PLEKHG1: variants seen among roughly 807,000 people sequenced by gnomAD.
PLEKHG1 encodes pleckstrin homology domain-containing family G member 1.
PLEKHG1 carries 44 observed loss-of-function variants against 100.8 expected under a neutral mutation model. The observed-to-expected ratio is 0.44, with a 90% CI of 0.34 to 0.56. PLEKHG1 has a LOEUF of 0.56. PLEKHG1 is among the 20% of genes least tolerant of loss of function. The pLI is 0.01. For synonymous variants in PLEKHG1, 640 were observed against 662.5 expected (o/e 0.97, Z 0.52); for missense variants, 1,545 against 1,720.9 (o/e 0.90, Z 1.81).
intron 1 of PLEKHG1, among the ~76,000 whole-genome samples, chr6:150,613,403 A>G (rs977453125): frequency 5.4e-5 from 6 of 111,166 alleles, no homozygotes; most frequent in African/African-American, 1.7e-4. Context: ...TTGTGTGGCT[A>G]TGATATTTCC....
At chr6:150,815,299 A>C (rs1053398980) in intron 10 of PLEKHG1, among the ~76,000 whole-genome samples, 3 of 152,186 alleles carry the variant, frequency 2.0e-5, no homozygotes, top group Non-Finnish European at 4.4e-5. Context: ...CTTTTAATTC[A>C]ATGATGGTCC....
intron 3 of PLEKHG1, among the ~76,000 whole-genome samples, chr6:150,697,940 T>C (rs1780612890): frequency 3.5e-5 from 1 of 28,690 alleles, no homozygotes; most frequent in Non-Finnish European, 1.1e-4. Context: ...TTTTTTTTTG[T>C]TGTTGGGTTT....
intron 2 of PLEKHG1, among the ~76,000 whole-genome samples, chr6:150,736,954 A>G (rs555862922): frequency 1.3e-5 from 2 of 152,304 alleles, no homozygotes; most frequent in Admixed American, 1.3e-4. Context: ...AGTATTGGAA[A>G]GAAGCGTGCC....
At chr6:150,793,356 C>T (rs945486551) in intron 4 of PLEKHG1, among the ~76,000 whole-genome samples, 1 of 152,066 alleles carries the variant, frequency 6.6e-6, no homozygotes, top group African/African-American at 2.4e-5. Flanking sequence ...GAACTGTGAC[C>T]ACCACTGTAC....
rs75576324 is a variant in PLEKHG1, at chr6:150,740,580, G to A, written c.411+6488G>A. ...CTTAGACTAACGTTTTTTAAATACCGAGGGAGAAAAATGTGTTCCATGCTC... is the reference window on the plus strand; with the variant it reads ...CTTAGACTAACGTTTTTTAAATACCAAGGGAGAAAAATGTGTTCCATGCTC... On this transcript the variant is annotated intron_variant, in intron 2 of 15. Coordinates refer to ENST00000358517, the Ensembl canonical transcript of PLEKHG1. 7.1e-3 allele frequency among the ~76,000 whole-genome samples: 1,085 copies of A among 152,218 alleles called. 13 individuals carry two copies. The highest frequency in any genetic ancestry group is 0.025 in the African/African-American group (1,033 of 41,528).
At chr6:150,691,852 C>A (rs769486769) in intron 3 of PLEKHG1, among the ~76,000 whole-genome samples, 1 of 152,232 alleles carries the variant, frequency 6.6e-6, no homozygotes, top group Non-Finnish European at 1.5e-5. Flanking sequence ...TTACTGAGGA[C>A]TTGGGAAAAG....
At chr6:150,690,943 G>T (rs992405581) in intron 3 of PLEKHG1, among the ~76,000 whole-genome samples, 4 of 152,106 alleles carry the variant, frequency 2.6e-5, no homozygotes, top group Admixed American at 2.0e-4. Context: ...GCAACCCAGC[G>T]CATGCATTGT....
At chr6:150,688,777 G>A (rs953816407) in intron 3 of PLEKHG1, among the ~76,000 whole-genome samples, 1 of 152,176 alleles carries the variant, frequency 6.6e-6, no homozygotes, top group Non-Finnish European at 1.5e-5. Flanking sequence ...TTAAAAAACA[G>A]TGTCTTGAGA....
intron 2 of PLEKHG1, among the ~76,000 whole-genome samples, chr6:150,765,767 A>G (rs1229025104): frequency 6.6e-6 from 1 of 152,238 alleles, no homozygotes; most frequent in Non-Finnish European, 1.5e-5. Flanking sequence ...TTAAAAAAGA[A>G]TACTAGAAAA....
At chr6:150,697,199 A>G (rs1195873541) in intron 3 of PLEKHG1, among the ~76,000 whole-genome samples, 1 of 152,212 alleles carries the variant, frequency 6.6e-6, no homozygotes, top group Admixed American at 6.5e-5. Flanking sequence ...ATATGTGATG[A>G]TTTGATTCTG....
At position 150,759,586 on chromosome 6, in the gene PLEKHG1, G is replaced by A. The variant is rs113272053; in HGVS notation, c.412-9052G>A. On this transcript the variant is annotated intron_variant, in intron 2 of 15. Coordinates refer to ENST00000358517, the Ensembl canonical transcript of PLEKHG1. ...TGTGTGACCTCAGGGGAGTGATGGA[G>A]CCTTTCTCAGCTTCCGGGAAAATGG... 4.4e-4 allele frequency among the ~76,000 whole-genome samples: 67 copies of A among 152,278 alleles called. 1 individual carries two copies. Among genetic ancestry groups the A allele is most frequent in the African/African-American group, 1.3e-3 (55 of 41,556 alleles).
At chr6:150,784,307 A>G (rs886475242) in intron 3 of PLEKHG1, among the ~76,000 whole-genome samples, 1 of 152,252 alleles carries the variant, frequency 6.6e-6, no homozygotes, top group Non-Finnish European at 1.5e-5. Flanking sequence ...GGGGGTCATC[A>G]GAATGATACT....
intron 1 of PLEKHG1, among the ~76,000 whole-genome samples, chr6:150,725,989 T>C (rs551106888): frequency 6.6e-6 from 1 of 152,204 alleles, no homozygotes; most frequent in African/African-American, 2.4e-5. Context: ...CTGGAGCCTA[T>C]TGTGCTAAGT....
At chr6:150,651,352 G>A (rs1247513866) in intron 3 of PLEKHG1, among the ~76,000 whole-genome samples, 1 of 152,040 alleles carries the variant, frequency 6.6e-6, no homozygotes, top group Non-Finnish European at 1.5e-5. Context: ...TCCTGCCTCA[G>A]CCTCCGGAGT....
chr6:150,816,977 A>G (rs1453567402), intron 10 of PLEKHG1, among the ~76,000 whole-genome samples: 1 of 152,214 alleles, frequency 6.6e-6, no homozygotes, highest in African/African-American at 2.4e-5. Context: ...GATAGGAGGC[A>G]GAGCTCAGGC....
intron 10 of PLEKHG1, among the ~76,000 whole-genome samples, chr6:150,815,638 A>C (rs1787823722): frequency 6.6e-6 from 1 of 152,258 alleles, no homozygotes; most frequent in African/African-American, 2.4e-5. Flanking sequence ...GGTTACAAAA[A>C]TTGAAGCATT....
Position 150,806,223 on chromosome 6 carries a change from C to CTTTTT in PLEKHG1, c.912+1502_912+1506dup, listed in dbSNP as rs58040509. Among the ~76,000 whole-genome samples, 73 of 89,758 alleles carry CTTTTT rather than the reference C, an allele frequency of 8.1e-4. 1 individual carries two copies. Among genetic ancestry groups the CTTTTT allele is most frequent in the East Asian group, 1.1e-3 (3 of 2,618 alleles). The allele number at this position is 89,758 out of a possible 152,430, so 58.9% of individuals were successfully genotyped here. A position where few individuals can be genotyped will look rare whatever the true frequency, so the allele number is the denominator to read the frequency against. On this transcript the variant is annotated intron_variant, in intron 7 of 15. Transcript: ENST00000358517. ...GATGACATTCTAATCTTCCAGGCTG[C>CTTTTT]TTTTTTTTTTTTTTTTTTTTTTTTG... is the stretch of plus-strand genomic sequence containing the variant.
At chr6:150,777,250 A>G (rs1167127972) in intron 3 of PLEKHG1, among the ~76,000 whole-genome samples, 5 of 134,654 alleles carry the variant, frequency 3.7e-5, no homozygotes, top group Admixed American at 7.6e-5. Flanking sequence ...ACTCAACACT[A>G]ATGCAATCCT....
At chr6:150,717,745 G>A (rs570748196), upstream of PLEKHG1, among the ~76,000 whole-genome samples, 25 of 152,296 alleles carry the variant, frequency 1.6e-4, no homozygotes, top group Middle Eastern at 3.4e-3. Context: ...AACAAGGCAC[G>A]CGTGTGCATT....
Sources: gnomAD v4.1 joint callset for allele counts (sites outside exome capture counted in the v4.1 genomes callset) on GRCh38, gnomAD v4.1.1 for gene constraint, MANE v1.5 for transcripts, NCBI Gene and HGNC (gene_info 2026-07-23, HGNC 2026-07-21) for gene names.